Variants in CCKBR observed in about 807,000 individuals in gnomAD.
CCKBR encodes cholecystokinin B receptor.
Under a neutral mutation model 34.6 loss-of-function variants are expected in CCKBR, and 33 were observed. The ratio of observed to expected loss-of-function variants is 0.95; its 90% confidence interval spans 0.72 to 1.27. The LOEUF (loss-of-function observed/expected upper bound fraction) is 1.27, where lower values mean the gene tolerates loss of function less well. Ranked by LOEUF, CCKBR falls within the 50% of genes most tolerant of loss-of-function variation. The probability of loss-of-function intolerance (pLI) is 0.00; values close to 1 mark genes in which losing one functional copy is unlikely to be tolerated. For missense variants in CCKBR, 652 were observed against 617.4 expected (o/e 1.06, Z -0.59); for synonymous variants, 269 against 267.5 (o/e 1.01, Z -0.06).
chr11:6,266,945 G>A (rs1305330186), intron 1 of CCKBR, among the ~76,000 whole-genome samples: 1 of 152,132 alleles, frequency 6.6e-6, no homozygotes, highest in Admixed American at 6.5e-5. Flanking sequence ...GAATATTGTA[G>A]GGAAGAGTAA....
intron 1 of CCKBR, among the ~76,000 whole-genome samples, chr11:6,261,955 A>G (rs1391582459): frequency 6.6e-6 from 1 of 152,236 alleles, no homozygotes; most frequent in Non-Finnish European, 1.5e-5. Flanking sequence ...TCTTCTGGAA[A>G]TGGAATCAAC....
At position 6,270,197 on chromosome 11, in the gene CCKBR, G is replaced by A; in HGVS notation, c.513G>A (p.Ala171=). ...GAGTGTGGCAGACGCGCTCCCACGC[G>A]GCTCGCGTGATTGTAGCCACGTGGC... ...QARVWQTRSH[A]ARVIVATWLL... The change falls in exon 3 of 5, where the codon GCG becomes GCA. Residue 171 remains alanine, a synonymous_variant. Transcript: ENST00000334619. 1.2e-6 allele frequency: 2 copies of A among 1,613,518 alleles called. No individual in the cohort carries two copies. Among genetic ancestry groups the A allele is most frequent in the Non-Finnish European group, 1.7e-6 (2 of 1,180,006 alleles).
chr11:6,266,381 C>G (rs550800013), intron 1 of CCKBR, among the ~76,000 whole-genome samples: 2 of 152,184 alleles, frequency 1.3e-5, no homozygotes, highest in Non-Finnish European at 2.9e-5. Flanking sequence ...TCTAGCTACT[C>G]AGGAGGCTGA....
chr11:6,264,834 A>C (rs893642298), intron 1 of CCKBR, among the ~76,000 whole-genome samples: 1 of 152,240 alleles, frequency 6.6e-6, no homozygotes, highest in African/African-American at 2.4e-5. Context: ...CAAAAATTAC[A>C]GAGTGCCCAT....
At chr11:6,269,530 C>T in intron 1 of CCKBR, 139 bp from the exon 2 acceptor site, 3 of 990,360 alleles carry the variant, frequency 3.0e-6, no homozygotes, top group Non-Finnish European at 4.5e-6. Flanking sequence ...GATTCAAGTT[C>T]ACCATTTACT....
At chr11:6,263,024 T>G (rs1304595151) in intron 1 of CCKBR, among the ~76,000 whole-genome samples, 1 of 152,192 alleles carries the variant, frequency 6.6e-6, no homozygotes, top group Non-Finnish European at 1.5e-5. Flanking sequence ...ACCCAGCCAG[T>G]CAGATGTTAC....
At position 6,271,054 on chromosome 11, in the gene CCKBR, G is replaced by T; in HGVS notation, c.855G>T (p.Ala285=). The T allele has an allele frequency of 6.2e-7, 1 of 1,614,176 alleles. No homozygotes were observed. Among genetic ancestry groups the T allele is most frequent in the Non-Finnish European group, 8.5e-7 (1 of 1,180,040 alleles). ...GGCGTTGCCGGCCTGAGACTGGCGC[G>T]GTTGGCGAAGACAGCGATGGCTGCT... ...QNGRCRPETG[A]VGEDSDGCYV... Residue 285 remains alanine, a synonymous_variant, in exon 5 of 5, where the codon GCG becomes GCT. Coordinates refer to ENST00000334619, the MANE Select transcript of CCKBR (RefSeq NM_176875.4).
At position 6,271,350 on chromosome 11, in the gene CCKBR, G is replaced by A. The variant is rs2133907271; in HGVS notation, c.1151G>A (p.Cys384Tyr). The A allele has an allele frequency of 6.2e-7, 1 of 1,614,178 alleles. No homozygotes were observed. Among genetic ancestry groups the A allele is most frequent in the South Asian group, 1.1e-5 (1 of 91,088 alleles). ...FIHLLSYASA[C>Y]VNPLVYCFMH... ...CACTTGCTGAGCTACGCCTCGGCCT[G>A]TGTCAACCCCCTGGTCTACTGCTTC... The change falls in exon 5 of 5, where the codon TGT becomes TAT. Residue 384 changes from cysteine (C) to tyrosine (Y), a missense_variant. Physicochemically the swap from Cys to Tyr is radical, Grantham distance 194. Coordinates refer to ENST00000334619, the MANE Select transcript of CCKBR (RefSeq NM_176875.4).
At chr11:6,260,165 T>G in intron 1 of CCKBR, 86 bp downstream of exon 1, 4 of 961,096 alleles carry the variant, frequency 4.2e-6, no homozygotes, top group Non-Finnish European at 5.9e-6. Context: ...AGCTCCACAC[T>G]ACCTTCTCAA....
chr11:6,264,155 T>C (rs1382361740), intron 1 of CCKBR, among the ~76,000 whole-genome samples: 1 of 152,250 alleles, frequency 6.6e-6, no homozygotes, highest in South Asian at 2.1e-4. Flanking sequence ...GATTAAAGTA[T>C]GCCCAACACT....
chr11:6,270,487 C>A, intron 3 of CCKBR, 150 bp downstream of exon 3: 1 of 1,389,216 alleles, frequency 7.2e-7, no homozygotes, highest in East Asian at 2.3e-5. Flanking sequence ...CAGTTTGGGG[C>A]CCCTCCCCAG....
At chr11:6,269,555 T>G in intron 1 of CCKBR, 114 bp from the exon 2 acceptor site, 2 of 1,208,154 alleles carry the variant, frequency 1.7e-6, no homozygotes, top group Admixed American at 3.7e-5. Flanking sequence ...AGTTCATCGG[T>G]GGGGAATGTA....
intron 1 of CCKBR, among the ~76,000 whole-genome samples, chr11:6,266,719 C>A (rs1261798257): frequency 6.6e-6 from 1 of 152,094 alleles, no homozygotes; most frequent in African/African-American, 2.4e-5. Flanking sequence ...CCTACAATTT[C>A]TAAATAAATT....
chr11:6,270,851 A>G, intron 4 of CCKBR, 48 bp downstream of exon 4: 2 of 1,613,322 alleles, frequency 1.2e-6, no homozygotes, highest in Non-Finnish European at 1.7e-6. Flanking sequence ...GGAGCTTTGG[A>G]GGGCGACGGG....
intron 1 of CCKBR, among the ~76,000 whole-genome samples, chr11:6,262,722 G>GAGAGAGAA (rs377114173): frequency 0.06 from 7,034 of 118,046 alleles, 194 homozygotes; most frequent in South Asian, 0.079. Flanking sequence ...GAGAGAGAGA[G>GAGAGAGAA]AGAAAGAAAA....
chr11:6,271,141 G>GGGATCCGGCTCCCGGCCCACCCAGGCCA lies in CCKBR; in HGVS notation c.943_970dup (p.Lys324ArgfsTer14). The GGGATCCGGCTCCCGGCCCACCCAGGCCA allele has an allele frequency of 8.1e-6, 13 of 1,613,924 alleles. No homozygotes were observed. The highest frequency in any genetic ancestry group is 1.0e-5 in the Non-Finnish European group (12 of 1,179,932). On this transcript the variant is annotated frameshift_variant, in exon 5 of 5. Transcript: ENST00000334619. LOFTEE classifies it high-confidence loss of function. The stretch of plus-strand genomic sequence containing the variant: ...TGACGGCGCTGACGGCTCCTGGGCC[G>GGGATCCGGCTCCCGGCCCACCCAGGCCA]GGATCCGGCTCCCGGCCCACCCAGG...
intron 1 of CCKBR, 43 bp downstream of exon 1, chr11:6,260,122 G>A (rs1474565179): frequency 1.1e-5 from 16 of 1,497,782 alleles, no homozygotes; most frequent in Non-Finnish European, 1.2e-5. Context: ...ATTTCTCACT[G>A]TACCCCAGAA....
rs200073805 is a variant in CCKBR at position 6,269,736 on chromosome 11, G to T, written c.219G>T (p.Met73Ile). The T allele has an allele frequency of 6.2e-7, 1 of 1,614,026 alleles. No individual in the cohort carries two copies. Among genetic ancestry groups the T allele is most frequent in the African/African-American group, 1.3e-5 (1 of 74,900 alleles). Residue 73 changes from methionine to isoleucine, a missense_variant, in exon 2 of 5, where the codon ATG (methionine) becomes ATT (isoleucine). Coordinates refer to ENST00000334619, the MANE Select transcript of CCKBR (RefSeq NM_176875.4). Reference protein sequence around the residue: ...VIFLMSVGGNMLIIVVLGLSR... With the variant: ...VIFLMSVGGNILIIVVLGLSR... ...TCCTGATGAGCGTTGGAGGAAATATGCTCATCATCGTGGTCCTGGGACTGA... is the reference window on the plus strand; with the variant it reads ...TCCTGATGAGCGTTGGAGGAAATATTCTCATCATCGTGGTCCTGGGACTGA...
At chr11:6,270,481 T>G in intron 3 of CCKBR, 144 bp downstream of exon 3, 2 of 1,392,424 alleles carry the variant, frequency 1.4e-6, no homozygotes, top group Admixed American at 2.1e-5. Context: ...GAGTTCCAGT[T>G]TGGGGCCCCT....
Sources: gnomAD v4.1 joint callset for allele counts (sites outside exome capture counted in the v4.1 genomes callset) on GRCh38, gnomAD v4.1.1 for gene constraint, MANE v1.5 for transcripts, NCBI Gene and HGNC (gene_info 2026-07-23, HGNC 2026-07-21) for gene names.